PRICKLE2: variants seen among roughly 807,000 people sequenced by gnomAD.
The protein encoded by PRICKLE2 is prickle planar cell polarity protein 2, also known as prickle-like protein 2.
In PRICKLE2, 21 loss-of-function variants were observed where a neutral mutation model predicts 81.4. The observed-to-expected ratio is 0.26, with a 90% CI of 0.18 to 0.37. PRICKLE2 has a LOEUF of 0.37. Among genes scored for constraint, PRICKLE2 ranks in the 10% least tolerant of loss-of-function variants. PRICKLE2 has a pLI of 1.00. For missense variants in PRICKLE2, 940 were observed against 1,109.0 expected (o/e 0.85, Z 2.16); for synonymous variants, 456 against 421.5 (o/e 1.08, Z -1.00).
rs749378051 is a variant in PRICKLE2 at position 64,099,907 on chromosome 3, C to G, written c.1679G>C (p.Gly560Ala). 8 of 1,614,048 alleles carry G rather than the reference C, an allele frequency of 5.0e-6. No individual in the cohort carries two copies. The African/African-American group carries it at 9.3e-5, about 19-fold the overall frequency. ...GGATAGGTGCTCCTGGCGCTTGGCA[C>G]CACCATCAGCAGAGAGGCCTGGGGA... ...SNATGLSADG[G>A]AKRQEHLSRF... Residue 560 changes from glycine (G) to alanine (A), a missense_variant, in exon 8 of 8, where the codon GGT becomes GCT. Transcript: ENST00000638394. The surrounding 1 kb of genome is among the most constrained non-coding windows in gnomAD (Gnocchi z 4.3).
At position 64,147,839 on chromosome 3, in the gene PRICKLE2, C is replaced by A; in HGVS notation, c.788-137G>T. The A allele has an allele frequency of 2.2e-6, 2 of 902,296 alleles. No individual in the cohort carries two copies. Among genetic ancestry groups the A allele is most frequent in the South Asian group, 1.4e-5 (1 of 70,512 alleles). The allele number at this position is 902,296 out of a possible 1,614,324, so 55.9% of individuals were successfully genotyped here. On this transcript the variant is annotated intron_variant, in intron 6 of 7. Transcript: ENST00000638394. The surrounding 1 kb of genome is among the most constrained non-coding windows in gnomAD (Gnocchi z 5.0). Reference sequence around the variant, plus strand: ...AACTGTCAATAAATCAACAATCAGACCCTTATGTAAATGGTATTCACGTCC... The same window carrying A: ...AACTGTCAATAAATCAACAATCAGAACCTTATGTAAATGGTATTCACGTCC...
At position 64,225,232 on chromosome 3, in the gene PRICKLE2, C is replaced by T. The variant is rs569115082; in HGVS notation, c.-363G>A. On this transcript the variant is annotated 5_prime_UTR_variant, in exon 1 of 8. Coordinates refer to ENST00000638394, the MANE Select transcript of PRICKLE2 (RefSeq NM_198859.4). ...TCTAGATCAGCCTGAGTGCTCAGAT[C>T]GCCTTCCGGAGGACCCCCAGTTTCC... is the stretch of plus-strand genomic sequence containing the variant. The T allele has an allele frequency of 1.1e-5, 11 of 985,466 alleles. No homozygotes were observed. The highest frequency in any genetic ancestry group is 1.2e-4 in the Admixed American group (2 of 16,268). 61.0% of individuals were successfully genotyped at this position (985,466 alleles called of 1,614,324 possible).
intron 7 of PRICKLE2, among the ~76,000 whole-genome samples, chr3:64,133,894 T>G (rs2106990869): frequency 1.3e-5 from 2 of 152,338 alleles, no homozygotes; most frequent in East Asian, 3.9e-4. Flanking sequence ...CATCCATTGA[T>G]GCTGGTTCTT....
intron 2 of PRICKLE2, among the ~76,000 whole-genome samples, chr3:64,245,476 C>A (rs1465810560): frequency 1.3e-5 from 2 of 152,152 alleles, no homozygotes; most frequent in East Asian, 3.9e-4. Context: ...ATGTAGATTG[C>A]TGCTTCTGTT....
intron 2 of PRICKLE2, among the ~76,000 whole-genome samples, chr3:64,170,343 C>T (rs1296721369): frequency 1.3e-5 from 2 of 152,184 alleles, no homozygotes; most frequent in African/African-American, 2.4e-5. Context: ...TCTAATTCAA[C>T]AGTGATTCTT....
intron 6 of PRICKLE2, among the ~76,000 whole-genome samples, chr3:64,151,762 C>A (rs1287910883): frequency 1.3e-5 from 2 of 152,332 alleles, no homozygotes; most frequent in East Asian, 1.9e-4. Flanking sequence ...CACAACTGAT[C>A]TTCGCATTTC....
intron 7 of PRICKLE2, among the ~76,000 whole-genome samples, chr3:64,133,867 T>C (rs1053115280): frequency 1.3e-5 from 2 of 152,180 alleles, no homozygotes; most frequent in Non-Finnish European, 2.9e-5. Context: ...ATGTACAGAA[T>C]CGCCAAATCT....
upstream of PRICKLE2, among the ~76,000 whole-genome samples, chr3:64,229,577 A>T (rs1188598818): frequency 6.6e-6 from 1 of 152,202 alleles, no homozygotes; most frequent in Non-Finnish European, 1.5e-5. Context: ...ACTCAAGGAA[A>T]TGGCAGTGTT....
intron 2 of PRICKLE2, among the ~76,000 whole-genome samples, chr3:64,196,297 A>G (rs941035697): frequency 2.6e-5 from 4 of 152,214 alleles, no homozygotes; most frequent in African/African-American, 9.7e-5. Context: ...TCAGAGCCCA[A>G]TTTAGCAAGA....
chr3:64,159,254 C>A (rs1247674987), intron 4 of PRICKLE2, among the ~76,000 whole-genome samples: 2 of 152,198 alleles, frequency 1.3e-5, no homozygotes, highest in African/African-American at 4.8e-5. Context: ...GGGCTTCATG[C>A]ACTTCAATAA....
At chr3:64,266,260 G>T (rs1336823478) in intron 2 of PRICKLE2, among the ~76,000 whole-genome samples, 1 of 151,656 alleles carries the variant, frequency 6.6e-6, no homozygotes, top group African/African-American at 2.4e-5. Context: ...GCCTTCAGAA[G>T]AAGAACGGTT....
At chr3:64,198,259 AC>A (rs1266927415) in intron 2 of PRICKLE2, among the ~76,000 whole-genome samples, 7 of 139,376 alleles carry the variant, frequency 5.0e-5, no homozygotes, top group African/African-American at 2.0e-4. Flanking sequence ...AATAAATAAA[AC>A]AAAAAAAATT....
intron 7 of PRICKLE2, among the ~76,000 whole-genome samples, chr3:64,110,348 C>A (rs188358680): frequency 6.6e-6 from 1 of 152,310 alleles, no homozygotes; most frequent in East Asian, 1.9e-4. Context: ...AGCCAAGAAC[C>A]TGGGGACCCA....
rs572908417 is a variant in PRICKLE2, at chr3:64,247,478, T to C, written c.129-48511A>G. ...AAGACATTTCATTTTGTAATCTTTT[T>C]GTCTTACATCATACATAATCTCCTG... is the stretch of plus-strand genomic sequence containing the variant. On this transcript the variant is annotated intron_variant, in intron 2 of 8. Coordinates refer to the PRICKLE2 transcript ENST00000295902. 9.8e-4 allele frequency among the ~76,000 whole-genome samples: 150 copies of C among 152,362 alleles called. 1 individual carries two copies. Among genetic ancestry groups the C allele is most frequent in the African/African-American group, 3.4e-3 (141 of 41,594 alleles).
At chr3:64,218,870 GCAACGCCCC>G (rs977481802) in intron 1 of PRICKLE2, among the ~76,000 whole-genome samples, 4 of 152,080 alleles carry the variant, frequency 2.6e-5, no homozygotes, top group Admixed American at 2.0e-4. Context: ...CTGCATTTCA[GCAACGCCCC>G]CAGGTAGATG....
In PRICKLE2 at chr3:64,157,320, G is replaced by A. The variant is rs1316604440; in HGVS notation, c.442C>T (p.Arg148Cys). The change falls in exon 5 of 8, where the codon CGC becomes TGC. Residue 148 changes from arginine to cysteine, a missense_variant. Physicochemically the swap from Arg to Cys is radical, Grantham distance 180 (BLOSUM62 -3). Coordinates refer to ENST00000638394, the MANE Select transcript of PRICKLE2 (RefSeq NM_198859.4). ...TGCCAGCAAACGCCGTGGCCAGCGC[G>A]TGACGCAAACACAGCGATGTCTCCA... is the stretch of plus-strand genomic sequence containing the variant. ...NGGDIAVFAS[R>C]AGHGVCWHPP... is the part of the protein sequence containing the mutation. 5.0e-6 allele frequency: 8 copies of A among 1,613,786 alleles called. No homozygotes were observed. The highest frequency in any genetic ancestry group is 4.5e-5 in the East Asian group (2 of 44,900).
At chr3:64,165,439 T>C (rs1259302778) in intron 2 of PRICKLE2, among the ~76,000 whole-genome samples, 1 of 152,202 alleles carries the variant, frequency 6.6e-6, no homozygotes, top group Non-Finnish European at 1.5e-5. Context: ...GGCACAAGCA[T>C]GTGGCTCTTA....
intron 1 of PRICKLE2, among the ~76,000 whole-genome samples, chr3:64,203,996 T>C (rs829524): frequency 0.47 from 71,039 of 151,082 alleles, 19,012 homozygotes; most frequent in East Asian, 0.67. Flanking sequence ...CACACACACA[T>C]ACACTCTAAA....
chr3:64,258,582 A>T (rs1157734812), intron 2 of PRICKLE2, among the ~76,000 whole-genome samples: 1 of 151,978 alleles, frequency 6.6e-6, no homozygotes, highest in South Asian at 2.1e-4. Flanking sequence ...GCACTTTGGG[A>T]GGCCAAGGCA....
Sources: allele counts gnomAD v4.1 joint callset (sites outside exome capture counted in the v4.1 genomes callset), GRCh38; gene constraint gnomAD v4.1.1; non-coding constraint Gnocchi (gnomAD v3.1); transcripts MANE v1.5; gene names NCBI Gene and HGNC (gene_info 2026-07-23, HGNC 2026-07-21).